Variants in ZNF407 observed in about 807,000 individuals in gnomAD.
The protein encoded by ZNF407 is zinc finger protein 407.
Under a neutral mutation model 131.2 loss-of-function variants are expected in ZNF407, and 17 were observed. The observed-to-expected ratio is 0.13, with a 90% CI of 0.09 to 0.19. The LOEUF is 0.19. ZNF407 is among the 10% of genes least tolerant of loss of function. The pLI is 1.00. For synonymous variants in ZNF407, 1,156 were observed against 1,062.0 expected (o/e 1.09, Z -1.72); for missense variants, 2,681 against 2,830.6 (o/e 0.95, Z 1.20).
At chr18:74,814,479 G>A (rs1057490619) in intron 4 of ZNF407, among the ~76,000 whole-genome samples, 1 of 152,102 alleles carries the variant, frequency 6.6e-6, no homozygotes, top group Admixed American at 6.6e-5. Context: ...TGATCCTAAT[G>A]TATGTTTACT....
chr18:74,943,635 C>G (rs574157043), intron 8 of ZNF407, among the ~76,000 whole-genome samples: 2 of 152,296 alleles, frequency 1.3e-5, no homozygotes, highest in African/African-American at 4.8e-5. Context: ...AATTTTGTCA[C>G]AGCTGCAAAG....
At chr18:74,733,531 T>TA (rs536721898) in intron 3 of ZNF407, among the ~76,000 whole-genome samples, 2 of 152,056 alleles carry the variant, frequency 1.3e-5, no homozygotes, top group East Asian at 3.8e-4. Flanking sequence ...AGTTGCAGTC[T>TA]AAAAAAAATC....
chr18:74,678,101 G>C (rs141022994), intron 3 of ZNF407, among the ~76,000 whole-genome samples: 1,950 of 152,228 alleles, frequency 0.013, 22 homozygotes, highest in Non-Finnish European at 0.019. Context: ...GATTACAGGC[G>C]TGAGCCACTG....
intron 8 of ZNF407, among the ~76,000 whole-genome samples, chr18:75,016,423 T>A (rs1973044908): frequency 6.6e-6 from 1 of 152,158 alleles, no homozygotes; most frequent in Admixed American, 6.5e-5. Context: ...CTTTTACTAT[T>A]TCTCTTAGTA....
intron 8 of ZNF407, among the ~76,000 whole-genome samples, chr18:75,021,918 AT>A (rs916145138): frequency 2.0e-5 from 3 of 151,958 alleles, no homozygotes; most frequent in Admixed American, 6.5e-5. Context: ...CTGAGAAAGT[AT>A]TTTGTCCTCA....
intron 3 of ZNF407, among the ~76,000 whole-genome samples, chr18:74,720,927 C>CT (rs34746909): frequency 0.92 from 131,852 of 143,566 alleles, 60,201 homozygotes; most frequent in African/African-American, 0.93. Flanking sequence ...ATACCTTCAG[C>CT]TTTTTTTTTT....
At chr18:74,963,048 A>G (rs1972366124) in intron 8 of ZNF407, among the ~76,000 whole-genome samples, 1 of 152,196 alleles carries the variant, frequency 6.6e-6, no homozygotes, top group South Asian at 2.1e-4. Context: ...GCAGCCACAT[A>G]GAATCATTGG....
chr18:74,934,518 A>G (rs1481474396), intron 8 of ZNF407, among the ~76,000 whole-genome samples: 2 of 152,190 alleles, frequency 1.3e-5, no homozygotes, highest in Non-Finnish European at 2.9e-5. Context: ...TTGTCAATTA[A>G]TCACTTTTAG....
intron 8 of ZNF407, among the ~76,000 whole-genome samples, chr18:75,050,455 G>T (rs1973487048): frequency 6.6e-6 from 1 of 152,184 alleles, no homozygotes; most frequent in Non-Finnish European, 1.5e-5. Context: ...CTGGGTCAGA[G>T]ATAAAGGACT....
intron 3 of ZNF407, among the ~76,000 whole-genome samples, chr18:74,755,759 T>TTCTTTCTTTCTTTCTG (rs1968933113): frequency 7.9e-6 from 1 of 126,012 alleles, no homozygotes; most frequent in East Asian, 2.2e-4. Flanking sequence ...CTTTCTTTCT[T>TTCTTTCTTTCTTTCTG]TCTTTCTTTC....
chr18:74,639,795 C>G (rs1344283789), intron 2 of ZNF407, among the ~76,000 whole-genome samples: 1 of 151,310 alleles, frequency 6.6e-6, no homozygotes, highest in African/African-American at 2.4e-5. Flanking sequence ...CTTTTTTTGT[C>G]AGCTTTTGGG....
chr18:74,901,007 AGT>A (rs1971517316), intron 7 of ZNF407, among the ~76,000 whole-genome samples: 1 of 152,104 alleles, frequency 6.6e-6, no homozygotes, highest in South Asian at 2.1e-4. Flanking sequence ...CGGTGAAGTT[AGT>A]GTGTGTATAA....
chr18:74,839,837 G>A (rs1024048332), intron 4 of ZNF407, among the ~76,000 whole-genome samples: 2 of 152,134 alleles, frequency 1.3e-5, no homozygotes, highest in African/African-American at 2.4e-5. Flanking sequence ...AGGGAATAGG[G>A]AATGACATCA....
chr18:74,603,214 C>A (rs1982658386), intron 1 of ZNF407, among the ~76,000 whole-genome samples: 1 of 152,154 alleles, frequency 6.6e-6, no homozygotes, highest in South Asian at 2.1e-4. Flanking sequence ...TGCACAGATG[C>A]TATGAGAGTT....
chr18:74,725,260 C>T (rs1968130966), intron 3 of ZNF407, among the ~76,000 whole-genome samples: 1 of 152,146 alleles, frequency 6.6e-6, no homozygotes, highest in Non-Finnish European at 1.5e-5. Flanking sequence ...CTCAGACTCC[C>T]TGAGTAGCTA....
In ZNF407 at chr18:75,064,448, A is replaced by G. The variant is rs770237055; in HGVS notation, c.6727A>G (p.Ser2243Gly). The G allele has an allele frequency of 2.0e-6, 3 of 1,497,184 alleles. No homozygotes were observed. Among genetic ancestry groups the G allele is most frequent in the East Asian group, 4.9e-5 (2 of 41,014 alleles). The allele number at this position is 1,497,184 out of a possible 1,614,324, so 92.7% of individuals were successfully genotyped here. ...AAAIQSQRES[S>G]ELQEA ...GGCAATTCAGAGCCAAAGAGAAAGC[A>G]GCGAACTCCAGGAAGCATGAGACGC... The change falls in exon 9 of 9, where the codon AGC (serine) becomes GGC (glycine). Residue 2243 changes from serine (S) to glycine (G), a missense_variant. Transcript: ENST00000299687.
At chr18:74,995,758 A>ATT (rs1196652919) in intron 8 of ZNF407, among the ~76,000 whole-genome samples, 4 of 152,158 alleles carry the variant, frequency 2.6e-5, no homozygotes, top group Non-Finnish European at 4.4e-5. Flanking sequence ...TGAGGCTACC[A>ATT]TTTCTTGTTT....
At chr18:74,643,110 G>A (rs1280242101) in intron 3 of ZNF407, among the ~76,000 whole-genome samples, 1 of 152,054 alleles carries the variant, frequency 6.6e-6, no homozygotes, top group African/African-American at 2.4e-5. Context: ...CAAAGGGATA[G>A]GGCAGTGTGT....
At chr18:74,798,282 A>T (rs1405382027) in intron 4 of ZNF407, among the ~76,000 whole-genome samples, 1 of 151,436 alleles carries the variant, frequency 6.6e-6, no homozygotes, top group Non-Finnish European at 1.5e-5. Flanking sequence ...AAAATTGTTG[A>T]TTTTTTTAAT....
Sources: allele counts gnomAD v4.1 joint callset (sites outside exome capture counted in the v4.1 genomes callset), GRCh38; gene constraint gnomAD v4.1.1; transcripts MANE v1.5; gene names NCBI Gene and HGNC (gene_info 2026-07-23, HGNC 2026-07-21).